Variants in LIPJ observed in about 807,000 individuals in gnomAD.
The protein encoded by LIPJ is lipase member J.
A neutral mutation model predicts 39.8 loss-of-function variants in LIPJ; 33 were observed. The observed-to-expected ratio is 0.83, with a 90% confidence interval of 0.63 to 1.11. LIPJ has a LOEUF of 1.11. Among genes scored for constraint, LIPJ ranks in the 50% least tolerant of loss-of-function variants. The probability of loss-of-function intolerance (pLI) is 0.00; values close to 1 mark genes in which losing one functional copy is unlikely to be tolerated. For synonymous variants in LIPJ, 128 were observed against 139.2 expected, an observed-to-expected ratio of 0.92 and a Z score of 0.57; for missense variants, 422 against 427.9, an observed-to-expected ratio of 0.99 and a Z score of 0.12.
chr10:88,612,744 G>A, the LIPJ span, among the ~76,000 whole-genome samples: 4 of 151,664 alleles, frequency 2.6e-5, no homozygotes, highest in Non-Finnish European at 5.9e-5. Flanking sequence ...AAACAATTAC[G>A]ACTAGACCTA....
chr10:88,590,880 G>GT (rs1851055077), intron 3 of LIPJ, among the ~76,000 whole-genome samples, 184 bp downstream of exon 3: 1 of 151,586 alleles, frequency 6.6e-6, no homozygotes, highest in Non-Finnish European at 1.5e-5. Flanking sequence ...TGAAAAATGT[G>GT]TAACTATATT....
At chr10:88,589,820 G>A (rs1851021534) in intron 2 of LIPJ, among the ~76,000 whole-genome samples, 1 of 151,744 alleles carries the variant, frequency 6.6e-6, no homozygotes, top group Non-Finnish European at 1.5e-5. Flanking sequence ...ACAATCCTGA[G>A]AAGTAGGTAT....
chr10:88,597,863 T>C (rs1043338859), intron 8 of LIPJ, among the ~76,000 whole-genome samples: 1 of 151,960 alleles, frequency 6.6e-6, no homozygotes, highest in Non-Finnish European at 1.5e-5. Context: ...ATAAATACAA[T>C]GTTTATTTTT....
the LIPJ span, among the ~76,000 whole-genome samples, chr10:88,620,655 A>T: frequency 6.6e-6 from 1 of 152,320 alleles, no homozygotes; most frequent in South Asian, 2.1e-4. Flanking sequence ...AAGTGTTAGT[A>T]AGAATGCATA....
downstream of LIPJ, chr10:88,606,994 A>G (rs1277671884): frequency 1.5e-6 from 2 of 1,326,292 alleles, no homozygotes; most frequent in Non-Finnish European, 1.9e-6. Flanking sequence ...ATGTTCTTTC[A>G]TTTTTAAAAC....
At chr10:88,597,667 T>C (rs1399718593) in intron 8 of LIPJ, among the ~76,000 whole-genome samples, 1 of 151,952 alleles carries the variant, frequency 6.6e-6, no homozygotes, top group Admixed American at 6.6e-5. Context: ...CAAGGACATG[T>C]TTGTTGACTT....
At chr10:88,592,058 A>G (rs1479750443) in intron 4 of LIPJ, 1 of 151,916 alleles carries the variant, frequency 6.6e-6, no homozygotes, top group Non-Finnish European at 1.5e-5. Flanking sequence ...TATTCATATA[A>G]TTACCCAAAT....
the LIPJ span, among the ~76,000 whole-genome samples, chr10:88,613,800 A>ATATG: frequency 8.5e-4 from 63 of 74,162 alleles, no homozygotes; most frequent in Middle Eastern, 7.2e-3. Flanking sequence ...ATATATATAT[A>ATATG]TGTGTGTGTG....
At chr10:88,596,588 T>C (rs938743896) in intron 7 of LIPJ, among the ~76,000 whole-genome samples, 172 bp downstream of exon 7, 15 of 151,684 alleles carry the variant, frequency 9.9e-5, no homozygotes, top group African/African-American at 3.6e-4. Flanking sequence ...TTTTACTTAT[T>C]ATAACTTTAG....
At chr10:88,598,964 T>TATTATTACAATAATATAAA (rs1851358078) in intron 8 of LIPJ, among the ~76,000 whole-genome samples, 3 of 145,628 alleles carry the variant, frequency 2.1e-5, no homozygotes, top group Middle Eastern at 3.6e-3. Context: ...AATAATATAA[T>TATTATTACAATAATATAAA]ATATTATATT....
chr10:88,600,427 C>G (rs886644022), intron 8 of LIPJ, among the ~76,000 whole-genome samples: 1 of 152,056 alleles, frequency 6.6e-6, no homozygotes. Context: ...AAAGTTTATA[C>G]ATTGTATTTT....
downstream of LIPJ, among the ~76,000 whole-genome samples, chr10:88,607,360 G>T (rs1237958005): frequency 2.6e-5 from 4 of 152,158 alleles, no homozygotes; most frequent in Non-Finnish European, 5.9e-5. Flanking sequence ...AAAAGAAGGA[G>T]AGCCTGGATG....
chr10:88,604,937 T>A (rs1851612269), intron 9 of LIPJ, among the ~76,000 whole-genome samples: 2 of 152,206 alleles, frequency 1.3e-5, no homozygotes, highest in South Asian at 4.1e-4. Flanking sequence ...GGTATTGAGA[T>A]CTGAAAAGAT....
the LIPJ span, chr10:88,618,823 A>G: frequency 5.9e-6 from 1 of 170,730 alleles, no homozygotes; most frequent in Non-Finnish European, 1.3e-5. Flanking sequence ...CTTTTGAAGC[A>G]TATTTTCCTT....
At chr10:88,614,199 T>A in the LIPJ span, among the ~76,000 whole-genome samples, 17 of 151,990 alleles carry the variant, frequency 1.1e-4, 1 homozygote, top group Admixed American at 3.3e-4. Flanking sequence ...TATAGTTGTG[T>A]TGTTTTAAGA....
upstream of LIPJ, chr10:88,582,938 C>T (rs1850720843): frequency 8.5e-6 from 9 of 1,052,650 alleles, no homozygotes; most frequent in Non-Finnish European, 1.0e-5. Flanking sequence ...GGCGCATGGG[C>T]CGCGCTACAC....
At chr10:88,606,966 AT>A (rs1326193526) in exon 11 of LIPJ, 777 of 1,352,464 alleles carry the variant, frequency 5.7e-4, no homozygotes, top group South Asian at 1.7e-3. Flanking sequence ...TCCAATTCTT[AT>A]TTTTTTTTAC....
exon 4 of LIPJ, chr10:88,591,400 G>C (rs748220947): frequency 3.1e-6 from 5 of 1,603,094 alleles, no homozygotes; most frequent in Non-Finnish European, 8.5e-7. Context: ...TCCTACTGGG[G>C]CTACCCTGAT....
At chr10:88,621,989 T>C in the LIPJ span, among the ~76,000 whole-genome samples, 2 of 152,182 alleles carry the variant, frequency 1.3e-5, no homozygotes, top group African/African-American at 4.8e-5. Context: ...GTACTACCTA[T>C]TGGTGCCCTG....
Sources: allele counts gnomAD v4.1 joint callset (sites outside exome capture counted in the v4.1 genomes callset), GRCh38; gene constraint gnomAD v4.1.1; transcripts MANE v1.5; gene names NCBI Gene and HGNC (gene_info 2026-07-23, HGNC 2026-07-21).